SMIM3: variants seen among roughly 807,000 people sequenced by gnomAD.
The protein encoded by SMIM3 is small integral membrane protein 3, also known as NGF-induced differentiation clone 67 protein.
A neutral mutation model predicts 2.1 loss-of-function variants in SMIM3; 4 were observed. That is an observed-to-expected ratio of 1.89 (90% CI 0.93 to 4.31). SMIM3 has a LOEUF of 4.31. SMIM3 is among the 30% of genes most tolerant of loss of function. SMIM3 has a pLI of 0.01. For missense variants in SMIM3, 79 were observed against 77.7 expected (o/e 1.02, Z -0.06); for synonymous variants, 29 against 30.8 (o/e 0.94, Z 0.19).
rs751696937 is a variant in SMIM3, at chr5:150,795,429, G to A, written c.-11-1G>A. ...TGATCTTCCTTTCTTGTCTGTTGCAGAGTGAAGCAACATGGATGCAGTCAG... is the reference window on the plus strand; with the variant it reads ...TGATCTTCCTTTCTTGTCTGTTGCAAAGTGAAGCAACATGGATGCAGTCAG... On this transcript the variant is annotated splice_acceptor_variant, in intron 1 of 1. Transcript: ENST00000526627. LOFTEE classifies it low-confidence loss of function (5UTR_SPLICE). 2 of 1,613,774 alleles carry A rather than the reference G, an allele frequency of 1.2e-6. No homozygotes were observed. The highest frequency in any genetic ancestry group is 1.7e-6 in the Non-Finnish European group (2 of 1,179,832).
intron 1 of SMIM3, among the ~76,000 whole-genome samples, chr5:150,786,535 C>T (rs1472686336): frequency 6.6e-6 from 1 of 152,164 alleles, no homozygotes; most frequent in African/African-American, 2.4e-5. Context: ...GATCCACCTG[C>T]CTTTCCCTCC....
chr5:150,790,497 G>C (rs545746595), intron 1 of SMIM3, among the ~76,000 whole-genome samples: 54 of 152,122 alleles, frequency 3.5e-4, no homozygotes, highest in Non-Finnish European at 4.3e-4. Context: ...CCATTTCCTA[G>C]GCTGAGACAG....
intron 1 of SMIM3, among the ~76,000 whole-genome samples, chr5:150,783,449 C>T (rs1353674479): frequency 2.0e-5 from 3 of 152,358 alleles, no homozygotes; most frequent in Middle Eastern, 3.4e-3. Context: ...AGTCATGTAT[C>T]TTTGGACGCC....
intron 1 of SMIM3, among the ~76,000 whole-genome samples, chr5:150,793,778 C>CAAG (rs1363722459): frequency 2.6e-5 from 4 of 152,070 alleles, no homozygotes; most frequent in Non-Finnish European, 5.9e-5. Context: ...ATTTCATGAC[C>CAAG]AAGAACCCAT....
chr5:150,791,151 A>C (rs9324657), intron 1 of SMIM3, among the ~76,000 whole-genome samples: 10,509 of 152,162 alleles, frequency 0.069, 506 homozygotes, highest in East Asian at 0.22. Flanking sequence ...TTGAGAGTAC[A>C]CTCAGAAAGT....
chr5:150,785,121 G>A (rs954887290), intron 1 of SMIM3, among the ~76,000 whole-genome samples: 2 of 126,224 alleles, frequency 1.6e-5, no homozygotes, highest in Non-Finnish European at 3.1e-5. Flanking sequence ...GGAGTCTCGC[G>A]TTGTTGCCCA....
chr5:150,780,149 G>A (rs911699143), intron 1 of SMIM3, among the ~76,000 whole-genome samples: 1 of 152,304 alleles, frequency 6.6e-6, no homozygotes, highest in Non-Finnish European at 1.5e-5. Flanking sequence ...GGAGGTGGGA[G>A]CGGGAAGAAC....
chr5:150,784,146 T>G (rs1753266092), intron 1 of SMIM3, among the ~76,000 whole-genome samples: 1 of 152,088 alleles, frequency 6.6e-6, no homozygotes, highest in Non-Finnish European at 1.5e-5. Context: ...CTCCATCTCT[T>G]GACCTTGTGA....
At chr5:150,789,491 C>T (rs1220114654) in intron 1 of SMIM3, among the ~76,000 whole-genome samples, 1 of 152,152 alleles carries the variant, frequency 6.6e-6, no homozygotes, top group Non-Finnish European at 1.5e-5. Context: ...CCTGTGCCCT[C>T]TGACACCCGA....
intron 1 of SMIM3, among the ~76,000 whole-genome samples, chr5:150,780,037 C>T (rs1753215694): frequency 6.6e-6 from 1 of 152,132 alleles, no homozygotes; most frequent in African/African-American, 2.4e-5. Flanking sequence ...GAAGGCTGCG[C>T]AATCACACAA....
In SMIM3 at chr5:150,780,595, G is replaced by A. The variant is rs1051890666; in HGVS notation, c.-12+1623G>A. 6.6e-5 allele frequency among the ~76,000 whole-genome samples: 10 copies of A among 152,090 alleles called. 1 individual carries two copies. Among genetic ancestry groups the A allele is most frequent in the Admixed American group, 5.2e-4 (8 of 15,260 alleles). ...AACAGCCAGAGAACCACTGAGTCGC[G>A]GTGAGGTGTTAGAGATGCAAAACAA... On this transcript the variant is annotated intron_variant, in intron 1 of 1. Coordinates refer to ENST00000526627, the MANE Select transcript of SMIM3 (RefSeq NM_032947.5).
In SMIM3 at chr5:150,795,686, T is replaced by C. The variant is rs965828647; in HGVS notation, c.*63T>C. ...GCATCCTATCCCCAGCCTCTTCCTG[T>C]CTTCAGAAAAGCAGCAGGAGGGACT... On this transcript the variant is annotated 3_prime_UTR_variant, in exon 2 of 2. Coordinates refer to ENST00000526627, the MANE Select transcript of SMIM3 (RefSeq NM_032947.5). 14 of 1,504,562 alleles carry C rather than the reference T, an allele frequency of 9.3e-6. No individual in the cohort carries two copies. Among genetic ancestry groups the C allele is most frequent in the Non-Finnish European group, 1.2e-5 (14 of 1,123,516 alleles). 93.2% of individuals were successfully genotyped at this position (1,504,562 alleles called of 1,614,324 possible).
intron 1 of SMIM3, among the ~76,000 whole-genome samples, chr5:150,789,757 G>A (rs1036178664): frequency 2.0e-5 from 3 of 152,206 alleles, no homozygotes; most frequent in Non-Finnish European, 4.4e-5. Flanking sequence ...CAAAGTTTGT[G>A]TGTTATGGTG....
chr5:150,781,648 G>A (rs879909815), intron 1 of SMIM3, among the ~76,000 whole-genome samples: 1 of 152,158 alleles, frequency 6.6e-6, no homozygotes, highest in Non-Finnish European at 1.5e-5. Flanking sequence ...GGTGGTGGTG[G>A]TGGGCATTAT....
chr5:150,793,740 A>G (rs1392000551), intron 1 of SMIM3, among the ~76,000 whole-genome samples: 2 of 152,224 alleles, frequency 1.3e-5, no homozygotes, highest in East Asian at 3.8e-4. Flanking sequence ...CTTTGGAAAA[A>G]TCCTTCTAGA....
At chr5:150,790,050 G>A (rs1189523188) in intron 1 of SMIM3, among the ~76,000 whole-genome samples, 1 of 152,162 alleles carries the variant, frequency 6.6e-6, no homozygotes, top group Non-Finnish European at 1.5e-5. Flanking sequence ...GTTCTGTTTT[G>A]TTTTAGTTAG....
At chr5:150,788,168 C>A (rs1457525068) in intron 1 of SMIM3, among the ~76,000 whole-genome samples, 1 of 152,040 alleles carries the variant, frequency 6.6e-6, no homozygotes, top group East Asian at 1.9e-4. Context: ...AACTAGAAAA[C>A]TTGCCAAATG....
At chr5:150,793,898 A>G (rs1753375509) in intron 1 of SMIM3, among the ~76,000 whole-genome samples, 1 of 152,212 alleles carries the variant, frequency 6.6e-6, no homozygotes, top group South Asian at 2.1e-4. Context: ...CACAGAGTGG[A>G]GAAAATCTTC....
chr5:150,791,648 T>C (rs79442859), intron 1 of SMIM3, among the ~76,000 whole-genome samples: 14,317 of 152,242 alleles, frequency 0.094, 1,016 homozygotes, highest in East Asian at 0.41. Flanking sequence ...CTCTATCCAT[T>C]CATGGTTAAT....
Sources: gnomAD v4.1 joint callset for allele counts (sites outside exome capture counted in the v4.1 genomes callset) on GRCh38, gnomAD v4.1.1 for gene constraint, MANE v1.5 for transcripts, NCBI Gene and HGNC (gene_info 2026-07-23, HGNC 2026-07-21) for gene names.